KHDRBS2: variants seen among roughly 807,000 people sequenced by gnomAD.
KHDRBS2 encodes the protein KH domain-containing, RNA-binding, signal transduction-associated protein 2.
KHDRBS2 carries 26 observed loss-of-function variants against 44.3 expected under a neutral mutation model. The ratio of observed to expected loss-of-function variants is 0.59; its 90% confidence interval spans 0.43 to 0.81. The LOEUF (loss-of-function observed/expected upper bound fraction) is 0.81, where lower values mean the gene tolerates loss of function less well. Ranked by LOEUF, KHDRBS2 falls within the 40% of genes least tolerant of loss-of-function variation. The pLI is 0.00. For missense variants in KHDRBS2, 476 were observed against 433.1 expected, an observed-to-expected ratio of 1.10 and a Z score of -0.88; for synonymous variants, 194 against 151.1, an observed-to-expected ratio of 1.28 and a Z score of -2.08.
intron 6 of KHDRBS2, among the ~76,000 whole-genome samples, chr6:61,773,164 G>A (rs1026115668): frequency 3.9e-5 from 6 of 151,914 alleles, no homozygotes; most frequent in Admixed American, 3.3e-4. Context: ...CCAGTAATGG[G>A]ATGGCTGGGT....
rs542421769 is a variant in KHDRBS2, at chr6:61,993,391, A to G, written c.337-15179T>C. ...AAGCATATTGAGATGCTACATAAAC[A>G]GAAAGAAAAATAATAGCTTAAAATA... On this transcript the variant is annotated intron_variant, in intron 3 of 8. Transcript: ENST00000281156. Among the ~76,000 whole-genome samples, 229 of 152,108 alleles carry G rather than the reference A, an allele frequency of 1.5e-3. 5 individuals carry two copies. In the South Asian group the frequency reaches 0.044, roughly 29 times the overall value.
intron 2 of KHDRBS2, among the ~76,000 whole-genome samples, chr6:62,108,522 C>G (rs1156764648): frequency 6.6e-6 from 1 of 151,954 alleles, no homozygotes; most frequent in Non-Finnish European, 1.5e-5. Context: ...GTTCAACCAT[C>G]GTGGAAGTCA....
At chr6:62,284,303 T>C (rs1477994835) in intron 1 of KHDRBS2, among the ~76,000 whole-genome samples, 1 of 151,704 alleles carries the variant, frequency 6.6e-6, no homozygotes, top group African/African-American at 2.4e-5. Flanking sequence ...GAATGATCAA[T>C]TTGTAACTTT....
chr6:61,837,311 A>T (rs1792850108), intron 6 of KHDRBS2, among the ~76,000 whole-genome samples: 1 of 151,964 alleles, frequency 6.6e-6, no homozygotes, highest in African/African-American at 2.4e-5. Flanking sequence ...AATATGAATG[A>T]TTTTGCATGC....
intron 3 of KHDRBS2, among the ~76,000 whole-genome samples, chr6:62,036,443 A>G (rs1208803980): frequency 1.3e-5 from 2 of 151,940 alleles, no homozygotes; most frequent in Non-Finnish European, 2.9e-5. Flanking sequence ...ATCGGACACT[A>G]TGTTCATTAC....
At chr6:61,886,293 C>G (rs1359759344) in intron 6 of KHDRBS2, among the ~76,000 whole-genome samples, 1 of 152,070 alleles carries the variant, frequency 6.6e-6, no homozygotes, top group Non-Finnish European at 1.5e-5. Context: ...TATATTTCAC[C>G]AAATTGTTCT....
chr6:61,953,714 A>G (rs542853147), intron 4 of KHDRBS2, among the ~76,000 whole-genome samples: 106 of 152,218 alleles, frequency 7.0e-4, no homozygotes, highest in Middle Eastern at 3.4e-3. Flanking sequence ...CATGCTCTAG[A>G]AATCAAAACA....
Position 61,741,984 on chromosome 6 carries a change from A to C in KHDRBS2, c.811-9220T>G, listed in dbSNP as rs1776204114. 1.3e-5 allele frequency among the ~76,000 whole-genome samples: 2 copies of C among 152,134 alleles called. 1 individual carries two copies. Among genetic ancestry groups the C allele is most frequent in the South Asian group, 4.1e-4 (2 of 4,830 alleles). On this transcript the variant is annotated intron_variant, in intron 6 of 8. Transcript: ENST00000281156. ...GGCATTACAATAAAATACATAAATT[A>C]AGGGAAATAATGTGGAATATTCTTA...
intron 2 of KHDRBS2, among the ~76,000 whole-genome samples, chr6:62,134,062 T>C (rs1005821961): frequency 1.3e-5 from 2 of 152,174 alleles, no homozygotes; most frequent in African/African-American, 4.8e-5. Context: ...TGCATAAATT[T>C]GCATAAGTAA....
chr6:62,174,997 A>G (rs1428708187), intron 2 of KHDRBS2, among the ~76,000 whole-genome samples: 1 of 151,726 alleles, frequency 6.6e-6, no homozygotes, highest in Non-Finnish European at 1.5e-5. Flanking sequence ...TAAGAAGTGG[A>G]AAATGAACAG....
chr6:61,977,759 A>T (rs1436038975), intron 4 of KHDRBS2, among the ~76,000 whole-genome samples: 3 of 152,162 alleles, frequency 2.0e-5, no homozygotes, highest in Non-Finnish European at 4.4e-5. Flanking sequence ...TGCAATAAAA[A>T]AGTATACAAC....
chr6:61,777,035 A>G (rs1242010372), intron 6 of KHDRBS2, among the ~76,000 whole-genome samples: 1 of 152,088 alleles, frequency 6.6e-6, no homozygotes, highest in African/African-American at 2.4e-5. Flanking sequence ...AACTATCACA[A>G]GGACAAAAAA....
At chr6:62,212,763 CA>C (rs1392858006) in intron 1 of KHDRBS2, among the ~76,000 whole-genome samples, 1 of 152,176 alleles carries the variant, frequency 6.6e-6, no homozygotes, top group Admixed American at 6.5e-5. Context: ...GCCCTGCCAG[CA>C]CCTTAGTTTC....
intron 2 of KHDRBS2, among the ~76,000 whole-genome samples, chr6:62,132,235 A>T (rs1271328143): frequency 2.0e-5 from 3 of 152,312 alleles, no homozygotes; most frequent in Middle Eastern, 3.4e-3. Context: ...TTTTGCTTAA[A>T]TGATTAATCT....
the KHDRBS2 span, among the ~76,000 whole-genome samples, chr6:61,611,280 G>A: frequency 2.6e-5 from 4 of 151,950 alleles, no homozygotes; most frequent in Non-Finnish European, 5.9e-5. Flanking sequence ...CATTCACCTG[G>A]GCTATTGCAT....
At chr6:61,631,808 C>G in the KHDRBS2 span, among the ~76,000 whole-genome samples, 80 of 152,094 alleles carry the variant, frequency 5.3e-4, no homozygotes, top group African/African-American at 1.9e-3. Context: ...CACAAATCGT[C>G]TGAATGTGAG....
In KHDRBS2 at chr6:62,092,213, A is replaced by T. The variant is rs4710669; in HGVS notation, c.220-44219T>A. ...TCATTCCCCTTCATGTCAGACAGTGAATTTGGGGTTTGACGCCTGCAACCC... is the reference window on the plus strand; with the variant it reads ...TCATTCCCCTTCATGTCAGACAGTGTATTTGGGGTTTGACGCCTGCAACCC... On this transcript the variant is annotated intron_variant, in intron 2 of 8. Transcript: ENST00000281156. 7.3e-3 allele frequency among the ~76,000 whole-genome samples: 1,117 copies of T among 152,112 alleles called. 41 individuals are homozygous for T. The highest frequency in any genetic ancestry group is 0.062 in the Admixed American group (953 of 15,264).
chr6:61,619,717 G>A, the KHDRBS2 span, among the ~76,000 whole-genome samples: 1 of 151,708 alleles, frequency 6.6e-6, no homozygotes, highest in African/African-American at 2.4e-5. Flanking sequence ...GCCTCCCAAA[G>A]TGCTGGGATT....
intron 2 of KHDRBS2, among the ~76,000 whole-genome samples, chr6:62,137,745 T>C (rs1266883372): frequency 6.6e-6 from 1 of 152,172 alleles, no homozygotes; most frequent in Non-Finnish European, 1.5e-5. Context: ...AGGCAACGTA[T>C]AAAGTTTTTT....
Sources: allele counts gnomAD v4.1 joint callset (sites outside exome capture counted in the v4.1 genomes callset), GRCh38; gene constraint gnomAD v4.1.1; transcripts MANE v1.5; gene names NCBI Gene and HGNC (gene_info 2026-07-23, HGNC 2026-07-21).